NECTIN3: variants seen among roughly 807,000 people sequenced by gnomAD.
The protein encoded by NECTIN3 is nectin-3.
A neutral mutation model predicts 49.4 loss-of-function variants in NECTIN3; 8 were observed. The ratio of observed to expected loss-of-function variants is 0.16; its 90% CI spans 0.10 to 0.29. NECTIN3 has a LOEUF of 0.29. Among genes scored for constraint, NECTIN3 ranks in the 10% least tolerant of loss-of-function variants. The pLI, the probability that NECTIN3 is intolerant of heterozygous loss-of-function variation, is 1.00. For missense variants in NECTIN3, 581 were observed against 654.6 expected (o/e 0.89, Z 1.23); for synonymous variants, 277 against 241.1 (o/e 1.15, Z -1.38).
At chr3:111,151,866 A>C (rs1348559098) in intron 7 of NECTIN3, among the ~76,000 whole-genome samples, 1 of 151,766 alleles carries the variant, frequency 6.6e-6, no homozygotes, top group Admixed American at 6.6e-5. Context: ...TCTCATTCCT[A>C]TACCTATTTA....
chr3:111,126,593 T>G (rs529233803), intron 5 of NECTIN3, among the ~76,000 whole-genome samples: 4 of 152,300 alleles, frequency 2.6e-5, no homozygotes, highest in African/African-American at 9.6e-5. Flanking sequence ...ATATAGTTAA[T>G]TTTTCAGTTC....
chr3:111,102,528 T>A (rs1033891747), intron 1 of NECTIN3, among the ~76,000 whole-genome samples: 9 of 152,258 alleles, frequency 5.9e-5, no homozygotes, highest in Non-Finnish European at 1.2e-4. Context: ...TCTTCACGCC[T>A]CCACTCAGGC....
At chr3:111,115,782 C>G (rs369450120) in intron 2 of NECTIN3, among the ~76,000 whole-genome samples, 7 of 152,172 alleles carry the variant, frequency 4.6e-5, no homozygotes, top group African/African-American at 1.4e-4. Context: ...TTTGTAATTT[C>G]TGCCACATGA....
downstream of NECTIN3, among the ~76,000 whole-genome samples, chr3:111,141,094 G>C (rs2034733731): frequency 6.6e-6 from 1 of 151,936 alleles, no homozygotes; most frequent in Non-Finnish European, 1.5e-5. Context: ...ATGAGGGGCT[G>C]AGGAGACTGA....
chr3:111,095,154 A>G (rs746551458), intron 1 of NECTIN3, among the ~76,000 whole-genome samples: 3 of 152,220 alleles, frequency 2.0e-5, no homozygotes, highest in Non-Finnish European at 2.9e-5. Context: ...ATAGTGTTGC[A>G]TACTGTCAGT....
intron 1 of NECTIN3, among the ~76,000 whole-genome samples, chr3:111,102,504 C>T (rs2032961387): frequency 6.6e-6 from 1 of 152,242 alleles, no homozygotes; most frequent in Non-Finnish European, 1.5e-5. Context: ...CAGGTTAAAT[C>T]TTGTTCTGTG....
At chr3:111,131,783 G>C (rs147484634) in intron 5 of NECTIN3, among the ~76,000 whole-genome samples, 66 of 151,756 alleles carry the variant, frequency 4.3e-4, no homozygotes, top group Non-Finnish European at 8.0e-4. Flanking sequence ...TATTTGGTGA[G>C]AGCTCAAATA....
exon 6 of NECTIN3, chr3:111,145,004 C>G: frequency 6.5e-7 from 1 of 1,535,870 alleles, no homozygotes; most frequent in Non-Finnish European, 8.7e-7. Flanking sequence ...CTGCTGACTC[C>G]TCGAAAAAAA....
At chr3:111,159,710 C>T (rs947747181) in intron 7 of NECTIN3, among the ~76,000 whole-genome samples, 3 of 152,092 alleles carry the variant, frequency 2.0e-5, no homozygotes, top group African/African-American at 7.2e-5. Flanking sequence ...TAAAACACTT[C>T]GATTAACAAT....
At chr3:111,093,850 T>G (rs1467551372) in intron 1 of NECTIN3, among the ~76,000 whole-genome samples, 2 of 152,208 alleles carry the variant, frequency 1.3e-5, no homozygotes, top group Non-Finnish European at 2.9e-5. Flanking sequence ...ATTTAGATAG[T>G]GGATGGAATG....
In NECTIN3 at chr3:111,096,999, C is replaced by G. The variant is rs142124679; in HGVS notation, c.161-15031C>G. Among the ~76,000 whole-genome samples the G allele has an allele frequency of 6.3e-3, 954 of 152,258 alleles. 10 individuals are homozygous for G. The highest frequency in any genetic ancestry group is 0.022 in the African/African-American group (917 of 41,548). ...AAGAGGGCCACTGTCCTCCAGACCC[C>G]AGAATTGTAGATCCACTGACAGCTT... On this transcript the variant is annotated intron_variant, in intron 1 of 5. Coordinates refer to ENST00000485303, the MANE Select transcript of NECTIN3 (RefSeq NM_015480.3).
intron 7 of NECTIN3, among the ~76,000 whole-genome samples, chr3:111,155,204 T>C (rs2035073778): frequency 6.6e-6 from 1 of 152,226 alleles, no homozygotes. Flanking sequence ...CCAAAAGTGC[T>C]GGGATTACAG....
chr3:111,146,596 G>T (rs2034882572), intron 6 of NECTIN3, among the ~76,000 whole-genome samples: 1 of 152,014 alleles, frequency 6.6e-6, no homozygotes, highest in African/African-American at 2.4e-5. Flanking sequence ...ACTAGTTTAT[G>T]CTCATTGAGA....
At chr3:111,160,632 A>C (rs2035191926) in intron 7 of NECTIN3, among the ~76,000 whole-genome samples, 1 of 151,966 alleles carries the variant, frequency 6.6e-6, no homozygotes, top group African/African-American at 2.4e-5. Flanking sequence ...TCTTTTTGCA[A>C]CCAAAGTGAT....
intron 7 of NECTIN3, among the ~76,000 whole-genome samples, chr3:111,174,611 C>T (rs959078255): frequency 2.0e-5 from 3 of 151,894 alleles, no homozygotes; most frequent in Non-Finnish European, 4.4e-5. Flanking sequence ...AGTTACATGT[C>T]TACAGTGTGC....
Position 111,112,282 on chromosome 3 carries a change from T to C in NECTIN3, c.413T>C (p.Ile138Thr), listed in dbSNP as rs1418707809. 2 of 1,613,826 alleles carry C rather than the reference T, an allele frequency of 1.2e-6. No individual in the cohort carries two copies. The highest frequency in any genetic ancestry group is 1.7e-6 in the Non-Finnish European group (2 of 1,179,818). ...GATGCAACAATTACTCTGCATAACA[T>C]AGGATTCTCTGATTCTGGAAAATAC... is the stretch of plus-strand genomic sequence containing the variant. ...LNDATITLHN[I>T]GFSDSGKYIC... is the part of the protein sequence containing the mutation. Residue 138 changes from isoleucine to threonine, a missense_variant, in exon 2 of 6, where the codon ATA becomes ACA. Physicochemically the swap from Ile to Thr is moderately conservative, Grantham distance 89. This residue lies in a region of NECTIN3 where 234 missense variants were observed against 340.6 expected (regional missense o/e 0.69). Transcript: ENST00000485303.
Position 111,118,876 on chromosome 3 carries a change from A to G in NECTIN3, c.723A>G (p.Gly241=). 1 of 1,614,186 alleles carries G rather than the reference A, an allele frequency of 6.2e-7. No homozygotes were observed. Among genetic ancestry groups the G allele is most frequent in the Non-Finnish European group, 8.5e-7 (1 of 1,180,028 alleles). The stretch of plus-strand genomic sequence containing the variant: ...TATTTCCAACCAGATTTGCTAGAGG[A>G]AGGCGAATTACTTGTGTTGTAAAAC... The part of the protein sequence containing the change: ...YKLFPTRFAR[G]RRITCVVKHP... Residue 241 remains glycine (G), a synonymous_variant, in exon 3 of 6, where the codon GGA becomes GGG. Coordinates refer to ENST00000485303, the MANE Select transcript of NECTIN3 (RefSeq NM_015480.3).
Position 111,137,274 on chromosome 3 carries a change from C to T in NECTIN3, c.*3059C>T. ...TGGTACCCATTTTGAATTTTTAATT[C>T]TAATAGGAGAGTAGATTGTAGATTG... is the stretch of plus-strand genomic sequence containing the variant. On this transcript the variant is annotated 3_prime_UTR_variant, in exon 6 of 6. Transcript: ENST00000485303. The T allele has an allele frequency of 3.1e-6, 3 of 954,800 alleles. No individual in the cohort carries two copies. Among genetic ancestry groups the T allele is most frequent in the Non-Finnish European group, 2.5e-6 (2 of 802,358 alleles). 59.1% of individuals were successfully genotyped at this position (954,800 alleles called of 1,614,324 possible). A position where few individuals can be genotyped will look rare whatever the true frequency, so the allele number is the denominator to read the frequency against.
Position 111,136,224 on chromosome 3 carries a change from T to G in NECTIN3, c.*2009T>G, listed in dbSNP as rs1175749878. ...CTGAACAGAATAATCACATTTAGGATTCTATATAAATCTCAACTGGAGTAT... is the reference window on the plus strand; with the variant it reads ...CTGAACAGAATAATCACATTTAGGAGTCTATATAAATCTCAACTGGAGTAT... On this transcript the variant is annotated 3_prime_UTR_variant, in exon 6 of 6. Transcript: ENST00000485303. The G allele has an allele frequency of 1.0e-6, 1 of 961,800 alleles. No individual in the cohort carries two copies. Among genetic ancestry groups the G allele is most frequent in the Non-Finnish European group, 1.2e-6 (1 of 808,806 alleles). 59.6% of individuals were successfully genotyped at this position (961,800 alleles called of 1,614,324 possible). A position where few individuals can be genotyped will look rare whatever the true frequency, so the allele number is the denominator to read the frequency against.
Sources: allele counts gnomAD v4.1 joint callset (sites outside exome capture counted in the v4.1 genomes callset), GRCh38; gene constraint gnomAD v4.1.1; regional missense constraint gnomAD v4.1.1; transcripts MANE v1.5; gene names NCBI Gene and HGNC (gene_info 2026-07-23, HGNC 2026-07-21).